ZNF331: variants seen among roughly 807,000 people sequenced by gnomAD.
ZNF331 encodes C2H2-like zinc finger protein rearranged in thyroid adenomas.
ZNF331 carries 2 observed loss-of-function variants against 7.0 expected under a neutral mutation model. That is an observed-to-expected ratio of 0.29 (90% confidence interval 0.12 to 0.90). The LOEUF (loss-of-function observed/expected upper bound fraction) is 0.90, where lower values mean the gene tolerates loss of function less well. ZNF331 is among the 40% of genes least tolerant of loss of function. The probability of loss-of-function intolerance (pLI) is 0.58; values close to 1 mark genes in which losing one functional copy is unlikely to be tolerated. For missense variants in ZNF331, 432 were observed against 587.7 expected, an observed-to-expected ratio of 0.74 and a Z score of 2.74; for synonymous variants, 196 against 205.4, an observed-to-expected ratio of 0.95 and a Z score of 0.39.
chr19:53,524,467 G>A (rs2087215130), intron 2 of ZNF331, among the ~76,000 whole-genome samples: 2 of 152,296 alleles, frequency 1.3e-5, no homozygotes, highest in South Asian at 4.1e-4. Flanking sequence ...TAACTGGTGT[G>A]AGATGGTATC....
chr19:53,523,215 A>G (rs1215014755), intron 2 of ZNF331: 1 of 151,768 alleles, frequency 6.6e-6, no homozygotes, highest in Non-Finnish European at 1.5e-5. Flanking sequence ...ATTTTCAAAT[A>G]TACTATATTT....
At chr19:53,530,369 A>G (rs1339892178) in intron 2 of ZNF331, among the ~76,000 whole-genome samples, 1 of 127,014 alleles carries the variant, frequency 7.9e-6, no homozygotes, top group African/African-American at 3.3e-5. Flanking sequence ...ACCAGGCCCC[A>G]CCTCCAGCAC....
the ZNF331 span, among the ~76,000 whole-genome samples, chr19:53,511,016 C>G: frequency 6.6e-6 from 1 of 152,098 alleles, no homozygotes; most frequent in Non-Finnish European, 1.5e-5. Flanking sequence ...TGGGTTCAAA[C>G]TGATTCCTAA....
intron 2 of ZNF331, among the ~76,000 whole-genome samples, chr19:53,529,315 G>A (rs950654937): frequency 6.6e-6 from 1 of 151,930 alleles, no homozygotes; most frequent in Admixed American, 6.6e-5. Flanking sequence ...CAGGAGAATG[G>A]CGTGAACCCG....
At chr19:53,562,228 C>A (rs188708295) in intron 3 of ZNF331, among the ~76,000 whole-genome samples, 164 of 152,180 alleles carry the variant, frequency 1.1e-3, no homozygotes, top group Middle Eastern at 3.4e-3. Context: ...CTGATAAATT[C>A]TAAGTAATCA....
the ZNF331 span, among the ~76,000 whole-genome samples, chr19:53,504,967 G>A: frequency 6.6e-6 from 1 of 152,148 alleles, no homozygotes; most frequent in African/African-American, 2.4e-5. Flanking sequence ...TGTGTGAGAG[G>A]GAGGATTGAA....
chr19:53,564,967 G>T (rs888126339), intron 3 of ZNF331, among the ~76,000 whole-genome samples: 1 of 152,096 alleles, frequency 6.6e-6, no homozygotes, highest in African/African-American at 2.4e-5. Context: ...ACATTCTTAG[G>T]CATGCATTCA....
chr19:53,536,431 T>G (rs2087751253), upstream of ZNF331: 1 of 152,218 alleles, frequency 6.6e-6, no homozygotes, highest in Non-Finnish European at 1.5e-5. Flanking sequence ...CACCAAAACA[T>G]GTCTGCTCAA....
intron 2 of ZNF331, among the ~76,000 whole-genome samples, chr19:53,554,201 G>C (rs2089203831): frequency 6.6e-6 from 1 of 152,326 alleles, no homozygotes; most frequent in Admixed American, 6.5e-5. Context: ...GAGTGCGCCT[G>C]TGGCTTCGGG....
chr19:53,552,171 C>G (rs2089053601), intron 2 of ZNF331, among the ~76,000 whole-genome samples: 1 of 152,140 alleles, frequency 6.6e-6, no homozygotes, highest in South Asian at 2.1e-4. Context: ...ATGATTCATC[C>G]TCTTGCTAAT....
At chr19:53,518,055 T>A (rs2086945525), upstream of ZNF331, among the ~76,000 whole-genome samples, 2 of 152,170 alleles carry the variant, frequency 1.3e-5, no homozygotes, top group South Asian at 4.1e-4. Flanking sequence ...AGGAGACTGA[T>A]GTTTGAGTCA....
intron 2 of ZNF331, among the ~76,000 whole-genome samples, chr19:53,526,869 TA>T: frequency 6.6e-6 from 1 of 151,902 alleles, no homozygotes; most frequent in South Asian, 2.1e-4. Flanking sequence ...TAATTTTTTT[TA>T]TACCAGGCCT....
the ZNF331 span, among the ~76,000 whole-genome samples, chr19:53,509,948 G>T: frequency 6.6e-6 from 1 of 152,160 alleles, no homozygotes; most frequent in African/African-American, 2.4e-5. Context: ...GTGAAGAAAA[G>T]CACACACTTC....
At chr19:53,564,754 C>T (rs1203836728) in intron 3 of ZNF331, among the ~76,000 whole-genome samples, 1 of 152,082 alleles carries the variant, frequency 6.6e-6, no homozygotes, top group Admixed American at 6.6e-5. Flanking sequence ...TAAACATTAT[C>T]TGCTGGAAAA....
In ZNF331 at chr19:53,540,452, A is replaced by G. The variant is rs531474338; in HGVS notation, c.-138+1170A>G. On this transcript the variant is annotated intron_variant, in intron 2 of 5. Transcript: ENST00000449416. ...GATAGTCTTTTTTTTTCTGTAATTG[A>G]GATGGAGGCTTGCTCTGTTGCCCAT... Among the ~76,000 whole-genome samples the G allele has an allele frequency of 1.8e-3, 265 of 150,680 alleles. 2 individuals carry two copies. The highest frequency in any genetic ancestry group is 6.3e-3 in the African/African-American group (253 of 40,264).
At chr19:53,553,073 A>C (rs2089116352) in intron 2 of ZNF331, among the ~76,000 whole-genome samples, 1 of 152,128 alleles carries the variant, frequency 6.6e-6, no homozygotes, top group African/African-American at 2.4e-5. Flanking sequence ...TCTCTTAGTA[A>C]TTAATGATAC....
rs61741983 is a variant in ZNF331, at chr19:53,577,934, G to A, written c.1374G>A (p.Gln458=). 1.0e-3 allele frequency: 1,638 copies of A among 1,612,760 alleles called. 26 individuals are homozygous for A. In the African/African-American group the frequency reaches 0.019, roughly 19 times the overall value. The change falls in exon 6 of 6, where the codon CAG becomes CAA. Residue 458 remains glutamine, a synonymous_variant. Coordinates refer to ENST00000449416, the MANE Select transcript of ZNF331 (RefSeq NM_001079906.2). ...CNHLNHLREH[Q]RIHNS Reference sequence around the variant, plus strand: ...ACCTAAACCATCTCCGAGAACATCAGAGGATCCACAACAGTTGAAGAGCCT... The same window carrying A: ...ACCTAAACCATCTCCGAGAACATCAAAGGATCCACAACAGTTGAAGAGCCT...
chr19:53,579,389 G>A lies in ZNF331; in HGVS notation c.*1437G>A. The A allele has an allele frequency of 6.7e-6, 1 of 149,112 alleles. No individual in the cohort carries two copies. Among genetic ancestry groups the A allele is most frequent in the South Asian group, 2.6e-4 (1 of 3,892 alleles). 9.2% of individuals were successfully genotyped at this position (149,112 alleles called of 1,614,324 possible). The stretch of plus-strand genomic sequence containing the variant: ...CCTCCCTGTGAGACACTGGGCCAAA[G>A]GCTCACTACCCCTGTGCGTTGTCCA... On this transcript the variant is annotated 3_prime_UTR_variant, in exon 6 of 6. Transcript: ENST00000449416.
At chr19:53,540,434 T>G (rs896721947) in intron 2 of ZNF331, among the ~76,000 whole-genome samples, 1 of 150,640 alleles carries the variant, frequency 6.6e-6, no homozygotes, top group African/African-American at 2.5e-5. Context: ...GGAGATAGTC[T>G]TTTTTTTTCT....
Sources: allele counts gnomAD v4.1 joint callset (sites outside exome capture counted in the v4.1 genomes callset), GRCh38; gene constraint gnomAD v4.1.1; transcripts MANE v1.5; gene names NCBI Gene and HGNC (gene_info 2026-07-23, HGNC 2026-07-21).